GPC6: variants seen among roughly 807,000 people sequenced by gnomAD.
The protein encoded by GPC6 is glypican 6.
GPC6 carries 14 observed loss-of-function variants against 55.2 expected under a neutral mutation model. The observed-to-expected ratio is 0.25, with a 90% CI of 0.17 to 0.40. The LOEUF (loss-of-function observed/expected upper bound fraction) is 0.40, where lower values mean the gene tolerates loss of function less well. Ranked by LOEUF, GPC6 falls within the 10% of genes least tolerant of loss-of-function variation. GPC6 has a pLI of 1.00. For missense variants in GPC6, 641 were observed against 708.5 expected, an observed-to-expected ratio of 0.90 and a Z score of 1.08; for synonymous variants, 278 against 259.6, an observed-to-expected ratio of 1.07 and a Z score of -0.68.
intron 6 of GPC6, among the ~76,000 whole-genome samples, chr13:94,333,608 T>A (rs1451986774): frequency 6.6e-6 from 1 of 152,246 alleles, no homozygotes; most frequent in Non-Finnish European, 1.5e-5. Flanking sequence ...AGTTTTGCAA[T>A]GCACTTCAAG....
Position 94,283,704 on chromosome 13 carries a change from T to A in GPC6, c.878-2645T>A, listed in dbSNP as rs75740291. Among the ~76,000 whole-genome samples the A allele has an allele frequency of 6.6e-4, 101 of 152,292 alleles. 2 individuals carry two copies. The East Asian group carries it at 0.012, about 18-fold the overall frequency. On this transcript the variant is annotated intron_variant, in intron 4 of 8. Coordinates refer to ENST00000377047, the MANE Select transcript of GPC6 (RefSeq NM_005708.5). ...TGCTTTAGGGAGGCAACAGTCTTCT[T>A]TAAGGAGAAACAAAACGAGCAACAC...
chr13:93,655,798 G>T (rs977685332), intron 2 of GPC6, among the ~76,000 whole-genome samples: 1 of 152,186 alleles, frequency 6.6e-6, no homozygotes, highest in South Asian at 2.1e-4. Flanking sequence ...AATGAAATAG[G>T]GAACTTGGCT....
At chr13:93,997,460 G>T (rs370271929) in intron 3 of GPC6, among the ~76,000 whole-genome samples, 1 of 152,252 alleles carries the variant, frequency 6.6e-6, no homozygotes, top group Middle Eastern at 3.4e-3. Context: ...ACTGAGGGCT[G>T]CTCTGCTCTT....
At chr13:93,472,776 C>G (rs571020594) in intron 1 of GPC6, among the ~76,000 whole-genome samples, 4 of 152,288 alleles carry the variant, frequency 2.6e-5, no homozygotes, top group South Asian at 4.1e-4. Flanking sequence ...CTTTGCCATT[C>G]AGTAGGTCCG....
chr13:94,226,351 G>A (rs1890558044), intron 4 of GPC6, among the ~76,000 whole-genome samples: 1 of 152,086 alleles, frequency 6.6e-6, no homozygotes, highest in African/African-American at 2.4e-5. Flanking sequence ...CTAAGTCCTG[G>A]TGCTCTGCTG....
chr13:94,131,332 A>G (rs932885978), intron 4 of GPC6, among the ~76,000 whole-genome samples: 1 of 152,178 alleles, frequency 6.6e-6, no homozygotes, highest in Non-Finnish European at 1.5e-5. Flanking sequence ...TTCAAAAAAT[A>G]AAATAAATAT....
At chr13:93,649,499 C>T (rs758268315) in intron 2 of GPC6, among the ~76,000 whole-genome samples, 19 of 152,050 alleles carry the variant, frequency 1.2e-4, no homozygotes, top group Non-Finnish European at 2.2e-4. Context: ...TCAAACACAA[C>T]GCATGGTATA....
At chr13:93,257,540 A>T (rs1876997139) in intron 1 of GPC6, among the ~76,000 whole-genome samples, 3 of 152,238 alleles carry the variant, frequency 2.0e-5, no homozygotes, top group Admixed American at 2.0e-4. Flanking sequence ...AACACTGCAT[A>T]TATGTTCTGA....
chr13:93,609,798 C>T (rs1475267846), intron 2 of GPC6, among the ~76,000 whole-genome samples: 1 of 152,194 alleles, frequency 6.6e-6, no homozygotes, highest in Non-Finnish European at 1.5e-5. Context: ...ATTCACCCCT[C>T]TCCATAGACC....
chr13:93,405,455 C>T (rs2139237486), intron 1 of GPC6, among the ~76,000 whole-genome samples: 1 of 151,068 alleles, frequency 6.6e-6, no homozygotes, highest in East Asian at 1.9e-4. Context: ...TCAGTTCTCT[C>T]ATCTTTATAA....
intron 3 of GPC6, among the ~76,000 whole-genome samples, chr13:94,019,666 C>T (rs1361280080): frequency 1.3e-5 from 2 of 152,126 alleles, no homozygotes; most frequent in Non-Finnish European, 2.9e-5. Flanking sequence ...GGATTTAGGG[C>T]TTATCCTAAT....
At chr13:93,695,609 G>A (rs540119644) in intron 2 of GPC6, among the ~76,000 whole-genome samples, 51 of 151,872 alleles carry the variant, frequency 3.4e-4, no homozygotes, top group Admixed American at 5.3e-4. Context: ...ATACATATTG[G>A]CACAATATTT....
chr13:93,912,648 C>T (rs1367407776), intron 3 of GPC6, among the ~76,000 whole-genome samples: 1 of 152,134 alleles, frequency 6.6e-6, no homozygotes, highest in Admixed American at 6.5e-5. Context: ...GAGGCTGAGG[C>T]AGGAGAATGG....
intron 1 of GPC6, among the ~76,000 whole-genome samples, chr13:93,476,046 T>C (rs1204134895): frequency 6.6e-6 from 1 of 152,150 alleles, no homozygotes; most frequent in Non-Finnish European, 1.5e-5. Context: ...GATAGTCACC[T>C]GACTGATTTT....
intron 5 of GPC6, among the ~76,000 whole-genome samples, chr13:94,296,108 C>T (rs1272290614): frequency 2.0e-5 from 3 of 152,170 alleles, no homozygotes; most frequent in African/African-American, 7.2e-5. Context: ...GAGGGAAGCA[C>T]ACCTTTTTTT....
chr13:94,171,877 G>C (rs117140118), intron 4 of GPC6, among the ~76,000 whole-genome samples: 1,963 of 152,290 alleles, frequency 0.013, 21 homozygotes, highest in Non-Finnish European at 0.021. Flanking sequence ...CAAAAACCAT[G>C]AAACTACAAA....
intron 4 of GPC6, among the ~76,000 whole-genome samples, chr13:94,069,705 G>T (rs1884659117): frequency 6.6e-6 from 1 of 152,126 alleles, no homozygotes; most frequent in Non-Finnish European, 1.5e-5. Context: ...TATAGGGCAG[G>T]GGCAAAATGC....
chr13:94,136,773 A>G (rs190449134), intron 4 of GPC6, among the ~76,000 whole-genome samples: 100 of 152,336 alleles, frequency 6.6e-4, no homozygotes, highest in Non-Finnish European at 1.2e-3. Flanking sequence ...TGATTGAAGG[A>G]ATTTTAAAAG....
chr13:93,962,385 T>C (rs1879822284), intron 3 of GPC6, among the ~76,000 whole-genome samples: 1 of 152,096 alleles, frequency 6.6e-6, no homozygotes, highest in Non-Finnish European at 1.5e-5. Context: ...TTACCCCAGA[T>C]CATTTAATTT....
Sources: allele counts gnomAD v4.1 joint callset (sites outside exome capture counted in the v4.1 genomes callset), GRCh38; gene constraint gnomAD v4.1.1; transcripts MANE v1.5; gene names NCBI Gene and HGNC (gene_info 2026-07-23, HGNC 2026-07-21).